Variants in MYO1E observed in about 807,000 individuals in gnomAD.
MYO1E encodes unconventional myosin-Ie.
MYO1E carries 68 observed loss-of-function variants against 151.1 expected under a neutral mutation model. The ratio of observed to expected loss-of-function variants is 0.45; its 90% CI spans 0.37 to 0.55. The LOEUF is 0.55. Ranked by LOEUF, MYO1E falls within the 20% of genes least tolerant of loss-of-function variation. The pLI, the probability that MYO1E is intolerant of heterozygous loss-of-function variation, is 0.00. For missense variants in MYO1E, 1,363 were observed against 1,389.3 expected, an observed-to-expected ratio of 0.98 and a Z score of 0.30; for synonymous variants, 601 against 501.7, an observed-to-expected ratio of 1.20 and a Z score of -2.64.
rs937900651 is a variant in MYO1E at position 59,352,254 on chromosome 15, T to A, written c.3+20244A>T. ...AGCAGGATAATTAGAGATGATTGAG[T>A]CGCATATCTGAAAGCTTGGGATATT... is the stretch of plus-strand genomic sequence containing the variant. On this transcript the variant is annotated intron_variant, in intron 1 of 27. Coordinates refer to ENST00000288235, the MANE Select transcript of MYO1E (RefSeq NM_004998.4). 3.9e-5 allele frequency among the ~76,000 whole-genome samples: 6 copies of A among 152,246 alleles called. No homozygotes were observed. The South Asian group carries it at 8.3e-4, about 21-fold the overall frequency.
intron 1 of MYO1E, among the ~76,000 whole-genome samples, chr15:59,297,993 G>T: frequency 6.6e-6 from 1 of 152,142 alleles, no homozygotes; most frequent in Non-Finnish European, 1.5e-5. Context: ...TTTTTGACTA[G>T]AATTCTAGGC....
chr15:59,367,961 A>G (rs565440776), intron 1 of MYO1E, among the ~76,000 whole-genome samples: 2 of 152,140 alleles, frequency 1.3e-5, no homozygotes, highest in Non-Finnish European at 2.9e-5. Context: ...CTCTACTAAA[A>G]ATACAAAAAT....
intron 13 of MYO1E, among the ~76,000 whole-genome samples, chr15:59,209,815 C>CTATTTTTTTTT (rs2079866819): frequency 2.0e-5 from 1 of 49,838 alleles, no homozygotes; most frequent in East Asian, 6.5e-4. Flanking sequence ...TTTGAATCAC[C>CTATTTTTTTTT]TTTTTTTTTT....
At chr15:59,241,890 G>C (rs1195823756) in intron 4 of MYO1E, among the ~76,000 whole-genome samples, 1 of 150,814 alleles carries the variant, frequency 6.6e-6, no homozygotes, top group Non-Finnish European at 1.5e-5. Context: ...CTGCACTCCA[G>C]CCTGGGTAAC....
chr15:59,326,364 A>G lies in MYO1E; in HGVS notation c.3+46134T>C, dbSNP rs538407761. Among the ~76,000 whole-genome samples, 3 of 144,298 alleles carry G rather than the reference A, an allele frequency of 2.1e-5. No homozygotes were observed. In the East Asian group the frequency reaches 5.9e-4, roughly 28 times the overall value. The allele number at this position is 144,298 out of a possible 152,430, so 94.7% of individuals were successfully genotyped here. ...GAAACCCCATCTGTACTAAAATACA[A>G]AAAAAAAAATTAGCCAGGTGTGGTG... On this transcript the variant is annotated intron_variant, in intron 1 of 27. Transcript: ENST00000288235.
intron 22 of MYO1E, among the ~76,000 whole-genome samples, chr15:59,170,198 A>G (rs11629924): frequency 6.6e-6 from 1 of 151,610 alleles, no homozygotes; most frequent in Admixed American, 6.6e-5. Flanking sequence ...ACAACCACAC[A>G]AATGTAGCTC....
At chr15:59,256,702 C>T (rs534326199) in intron 3 of MYO1E, among the ~76,000 whole-genome samples, 33 of 152,254 alleles carry the variant, frequency 2.2e-4, no homozygotes, top group Admixed American at 1.5e-3. Flanking sequence ...CACCCATACA[C>T]GCCTCTGCAG....
intron 25 of MYO1E, among the ~76,000 whole-genome samples, chr15:59,156,898 G>A (rs1318307445): frequency 6.6e-6 from 1 of 152,176 alleles, no homozygotes; most frequent in East Asian, 1.9e-4. Flanking sequence ...CAGGTTTAGA[G>A]TGTCTGGATA....
intron 10 of MYO1E, among the ~76,000 whole-genome samples, chr15:59,216,559 T>C (rs2079915475): frequency 9.3e-6 from 1 of 107,240 alleles, no homozygotes; most frequent in Admixed American, 9.4e-5. Context: ...TATAAATATA[T>C]ATTCATATAT....
chr15:59,358,429 C>CAAAGAAAGAAAAGGGA (rs1467935430), intron 1 of MYO1E, among the ~76,000 whole-genome samples: 17 of 152,086 alleles, frequency 1.1e-4, no homozygotes, highest in African/African-American at 4.1e-4. Flanking sequence ...GGACAAGAGG[C>CAAAGAAAGAAAAGGGA]CTTGTGGGGA....
At chr15:59,279,671 G>A (rs150131071) in intron 1 of MYO1E, among the ~76,000 whole-genome samples, 1 of 152,296 alleles carries the variant, frequency 6.6e-6, no homozygotes, top group Non-Finnish European at 1.5e-5. Context: ...ATCCTTTTAG[G>A]GGTAGAGCTG....
chr15:59,170,053 C>A (rs774608148), intron 22 of MYO1E, among the ~76,000 whole-genome samples: 6 of 151,980 alleles, frequency 3.9e-5, no homozygotes, highest in East Asian at 1.9e-4. Context: ...CCCAGCTACT[C>A]GGGAGCCTGA....
intron 1 of MYO1E, among the ~76,000 whole-genome samples, chr15:59,277,562 A>ACC (rs1567000041): frequency 2.2e-5 from 3 of 136,938 alleles, no homozygotes; most frequent in African/African-American, 8.9e-5. Context: ...AAAAAAAAAA[A>ACC]AAAAAAAAAA....
At chr15:59,280,694 T>C (rs1293679247) in intron 1 of MYO1E, among the ~76,000 whole-genome samples, 4 of 152,182 alleles carry the variant, frequency 2.6e-5, no homozygotes, top group African/African-American at 7.2e-5. Context: ...TTTTTTATTT[T>C]TCAATACTGT....
chr15:59,167,902 C>T (rs7181769), intron 22 of MYO1E, among the ~76,000 whole-genome samples: 2,602 of 152,208 alleles, frequency 0.017, 77 homozygotes, highest in African/African-American at 0.06. Flanking sequence ...TGGTCTTGAA[C>T]GCCTGACCTC....
At chr15:59,241,843 CAGGAGGTTG>C (rs2080101666) in intron 4 of MYO1E, among the ~76,000 whole-genome samples, 1 of 151,834 alleles carries the variant, frequency 6.6e-6, no homozygotes, top group South Asian at 2.1e-4. Flanking sequence ...TGTTTGAGTC[CAGGAGGTTG>C]AGGCTGCAGT....
chr15:59,289,883 T>C (rs2140395865), intron 1 of MYO1E, among the ~76,000 whole-genome samples: 1 of 152,306 alleles, frequency 6.6e-6, no homozygotes, highest in Middle Eastern at 3.4e-3. Flanking sequence ...AATTTTTGCA[T>C]TTCCTTCTCC....
intron 12 of MYO1E, 31 bp downstream of exon 12, chr15:59,214,197 A>G (rs1417310148): frequency 2.0e-6 from 3 of 1,524,800 alleles, no homozygotes; most frequent in Non-Finnish European, 2.7e-6. Context: ...AATTATAAAT[A>G]GAATAGGATG....
intron 1 of MYO1E, among the ~76,000 whole-genome samples, chr15:59,325,863 C>T (rs759371298): frequency 6.6e-5 from 10 of 152,068 alleles, no homozygotes; most frequent in Non-Finnish European, 1.3e-4. Flanking sequence ...CTGTCAAATG[C>T]GGGACATGGA....
Sources: allele counts gnomAD v4.1 joint callset (sites outside exome capture counted in the v4.1 genomes callset), GRCh38; gene constraint gnomAD v4.1.1; transcripts MANE v1.5; gene names NCBI Gene and HGNC (gene_info 2026-07-23, HGNC 2026-07-21).